Variants in NUP210L observed in about 807,000 individuals in gnomAD.
The protein encoded by NUP210L is nuclear pore membrane glycoprotein 210-like.
In NUP210L, 74 loss-of-function variants were observed where a neutral mutation model predicts 208.5. The ratio of observed to expected loss-of-function variants is 0.35; its 90% CI spans 0.29 to 0.43. The LOEUF (loss-of-function observed/expected upper bound fraction) is 0.43. NUP210L is among the 20% of genes least tolerant of loss of function. NUP210L has a pLI of 1.00. For synonymous variants in NUP210L, 780 were observed against 816.9 expected, an observed-to-expected ratio of 0.95 and a Z score of 0.77; for missense variants, 1,843 against 2,289.4, an observed-to-expected ratio of 0.81 and a Z score of 3.98.
At chr1:154,129,470 A>AT in intron 7 of NUP210L, 125 bp from the exon 8 acceptor site, 1 of 674,092 alleles carries the variant, frequency 1.5e-6, no homozygotes, top group Non-Finnish European at 2.6e-6. Context: ...ATCTTTTATT[A>AT]TCCTTTGGAA....
chr1:154,141,291 T>C, intron 4 of NUP210L, 140 bp downstream of exon 4: 1 of 632,610 alleles, frequency 1.6e-6, no homozygotes, highest in Non-Finnish European at 2.9e-6. Flanking sequence ...CAAAGACATT[T>C]CTCTCAGTAA....
intron 37 of NUP210L, among the ~76,000 whole-genome samples, 171 bp from the exon 38 acceptor site, chr1:153,995,351 T>A (rs1649778668): frequency 1.3e-5 from 2 of 152,134 alleles, no homozygotes; most frequent in South Asian, 4.1e-4. Flanking sequence ...AGATGCTGCA[T>A]TTTAAAACTT....
At position 154,108,961 on chromosome 1, in the gene NUP210L, G is replaced by A. The variant is rs184892555; in HGVS notation, c.1621-4751C>T. ...ACTAAAAATATAAAATTAGCTGGGCGTAGTAGCACATGCCTGTAATCCCAG... is the reference window on the plus strand; with the variant it reads ...ACTAAAAATATAAAATTAGCTGGGCATAGTAGCACATGCCTGTAATCCCAG... On this transcript the variant is annotated intron_variant, in intron 12 of 39. Coordinates refer to ENST00000368559, the Ensembl canonical transcript of NUP210L. Among the ~76,000 whole-genome samples the A allele has an allele frequency of 5.3e-4, 80 of 151,772 alleles. 1 individual carries two copies. Among genetic ancestry groups the A allele is most frequent in the African/African-American group, 1.6e-3 (64 of 41,064 alleles).
chr1:154,123,848 A>T (rs1657737596), intron 10 of NUP210L, among the ~76,000 whole-genome samples: 1 of 151,278 alleles, frequency 6.6e-6, no homozygotes, highest in Non-Finnish European at 1.5e-5. Flanking sequence ...ACTGCACTCC[A>T]GCCTAGGTGA....
intron 16 of NUP210L, among the ~76,000 whole-genome samples, chr1:154,077,562 A>G (rs139541990): frequency 4.4e-4 from 67 of 152,312 alleles, no homozygotes; most frequent in African/African-American, 1.5e-3. Context: ...ATGCAATGAA[A>G]GGTCACTAGA....
At chr1:154,027,399 T>C in intron 29 of NUP210L, 107 bp downstream of exon 29, 1 of 753,474 alleles carries the variant, frequency 1.3e-6, no homozygotes, top group Non-Finnish European at 2.2e-6. Flanking sequence ...CAAAAAATTA[T>C]TTGGGAAAAA....
chr1:154,068,460 T>A (rs976103899), intron 17 of NUP210L, among the ~76,000 whole-genome samples: 6 of 152,102 alleles, frequency 3.9e-5, no homozygotes, highest in African/African-American at 1.4e-4. Flanking sequence ...GGAGGGTAGA[T>A]CATGAGGTCA....
chr1:154,129,936 A>T (rs986917407), intron 7 of NUP210L, among the ~76,000 whole-genome samples: 1 of 152,252 alleles, frequency 6.6e-6, no homozygotes, highest in Non-Finnish European at 1.5e-5. Context: ...CCTGGCAGAA[A>T]TATAAATTTA....
At chr1:154,146,761 A>C (rs72696227) in intron 2 of NUP210L, among the ~76,000 whole-genome samples, 1 of 152,050 alleles carries the variant, frequency 6.6e-6, no homozygotes, top group East Asian at 1.9e-4. Flanking sequence ...TGGTTAATAC[A>C]TGTGCACAAA....
intron 33 of NUP210L, among the ~76,000 whole-genome samples, chr1:154,014,831 C>T (rs1476051699): frequency 6.6e-6 from 1 of 152,050 alleles, no homozygotes; most frequent in African/African-American, 2.4e-5. Context: ...TGGCAAAACC[C>T]TGCCTCTACT....
intron 15 of NUP210L, among the ~76,000 whole-genome samples, chr1:154,092,234 C>A (rs1232108195): frequency 6.6e-6 from 1 of 151,756 alleles, no homozygotes; most frequent in East Asian, 1.9e-4. Context: ...CGCCACCACG[C>A]CTGGCTAATT....
At chr1:154,103,100 T>TAATAATAAA (rs1553235927) in intron 13 of NUP210L, among the ~76,000 whole-genome samples, 2 of 149,346 alleles carry the variant, frequency 1.3e-5, no homozygotes, top group African/African-American at 4.9e-5. Flanking sequence ...ATAATAATAA[T>TAATAATAAA]AAATAAAAAC....
chr1:153,992,942 G>A lies in NUP210L; in HGVS notation c.5567-7C>T, dbSNP rs1649555020. ...CTTGTGGAGTTAAAAAAACCTAGAA[G>A]AAGAGGGAAAAGTTGAGTGAATTAA... On this transcript the variant is annotated splice_polypyrimidine_tract_variant and splice_region_variant and intron_variant, in intron 39 of 39. Transcript: ENST00000368559. The A allele has an allele frequency of 1.2e-6, 2 of 1,610,116 alleles. No individual in the cohort carries two copies. The highest frequency in any genetic ancestry group is 1.7e-6 in the Non-Finnish European group (2 of 1,178,420).
intron 36 of NUP210L, 39 bp downstream of exon 36, chr1:154,001,696 C>T: frequency 6.3e-7 from 1 of 1,596,092 alleles, no homozygotes; most frequent in Non-Finnish European, 8.6e-7. Context: ...TTTCAAATTC[C>T]TGATCTCTTG....
At chr1:154,091,900 T>C (rs563027106) in intron 15 of NUP210L, among the ~76,000 whole-genome samples, 4 of 152,048 alleles carry the variant, frequency 2.6e-5, no homozygotes, top group African/African-American at 4.8e-5. Context: ...TGACATATAC[T>C]ACAGTGTGAA....
At chr1:154,000,714 C>T in intron 37 of NUP210L, 142 bp downstream of exon 37, 1 of 692,960 alleles carries the variant, frequency 1.4e-6, no homozygotes, top group South Asian at 1.8e-5. Context: ...CTGTTTATTT[C>T]AGGAGTTTTT....
chr1:154,019,573 C>T (rs1651444660), intron 32 of NUP210L, among the ~76,000 whole-genome samples: 2 of 152,198 alleles, frequency 1.3e-5, no homozygotes, highest in South Asian at 4.2e-4. Flanking sequence ...CATGATGAAG[C>T]CTCCCAAAAT....
At chr1:154,062,874 A>G (rs567284176) in intron 17 of NUP210L, among the ~76,000 whole-genome samples, 1 of 152,090 alleles carries the variant, frequency 6.6e-6, no homozygotes, top group East Asian at 1.9e-4. Flanking sequence ...GCTACTGCAC[A>G]TGGCCTTTTT....
intron 16 of NUP210L, 41 bp downstream of exon 16, chr1:154,089,380 A>G: frequency 1.3e-6 from 2 of 1,565,486 alleles, no homozygotes; most frequent in Non-Finnish European, 1.8e-6. Flanking sequence ...AGCACGGAAT[A>G]TAAAAGTGCC....
Sources: gnomAD v4.1 joint callset for allele counts (sites outside exome capture counted in the v4.1 genomes callset) on GRCh38, gnomAD v4.1.1 for gene constraint, MANE v1.5 for transcripts, NCBI Gene and HGNC (gene_info 2026-07-23, HGNC 2026-07-21) for gene names.